Variants in CCDC88A observed in about 807,000 individuals in gnomAD.
CCDC88A encodes girdin.
Under a neutral mutation model 234.3 loss-of-function variants are expected in CCDC88A, and 54 were observed. The observed-to-expected ratio is 0.23, with a 90% confidence interval of 0.19 to 0.29. The LOEUF is 0.29. Ranked by LOEUF, CCDC88A falls within the 10% of genes least tolerant of loss-of-function variation. CCDC88A has a pLI of 1.00. For synonymous variants in CCDC88A, 753 were observed against 737.8 expected (o/e 1.02, Z -0.33); for missense variants, 1,832 against 2,123.4 (o/e 0.86, Z 2.70).
chr2:55,341,827 A>G lies in CCDC88A; in HGVS notation c.1333+1821T>C, dbSNP rs190757449. Among the ~76,000 whole-genome samples the G allele has an allele frequency of 5.5e-4, 84 of 152,314 alleles. 1 individual carries two copies. The highest frequency in any genetic ancestry group is 9.8e-4 in the Admixed American group (15 of 15,298). On this transcript the variant is annotated intron_variant, in intron 12 of 32. Transcript: ENST00000436346. ...TTTATCCATCATTTCATTGACAGAC[A>G]CAGGTTGATTCCATATCTTGACATT...
chr2:55,363,313 A>G (rs1352544187), intron 6 of CCDC88A, among the ~76,000 whole-genome samples: 1 of 151,972 alleles, frequency 6.6e-6, no homozygotes, highest in African/African-American at 2.4e-5. Context: ...TCACTATAAA[A>G]AATTTTCTTT....
intron 8 of CCDC88A, among the ~76,000 whole-genome samples, chr2:55,351,994 A>C (rs1669949311): frequency 6.6e-6 from 1 of 152,254 alleles, no homozygotes; most frequent in Admixed American, 6.5e-5. Flanking sequence ...GTATGATTCC[A>C]TTTATACAAT....
At chr2:55,414,131 T>C (rs1288417541) in intron 2 of CCDC88A, among the ~76,000 whole-genome samples, 1 of 152,176 alleles carries the variant, frequency 6.6e-6, no homozygotes, top group Non-Finnish European at 1.5e-5. Flanking sequence ...GAATCATAAA[T>C]AATAATTCCA....
chr2:55,360,053 T>C (rs1360416906), intron 7 of CCDC88A, among the ~76,000 whole-genome samples: 1 of 152,088 alleles, frequency 6.6e-6, no homozygotes, highest in Admixed American at 6.6e-5. Context: ...AAAATGGGGT[T>C]TTCATGCAGA....
chr2:55,346,133 A>T, intron 10 of CCDC88A, 42 bp downstream of exon 10: 2 of 1,454,542 alleles, frequency 1.4e-6, no homozygotes, highest in South Asian at 1.4e-5. Context: ...TAAAATTCTA[A>T]CACAGAAAAA....
At chr2:55,292,054 A>G (rs1679500461) in intron 31 of CCDC88A, 1 of 261,340 alleles carries the variant, frequency 3.8e-6, no homozygotes, top group Admixed American at 5.3e-5. Flanking sequence ...TTTATTTACT[A>G]AATGGTCACC....
intron 8 of CCDC88A, among the ~76,000 whole-genome samples, chr2:55,353,815 T>C (rs1670204121): frequency 6.6e-6 from 1 of 152,176 alleles, no homozygotes; most frequent in Non-Finnish European, 1.5e-5. Flanking sequence ...GTCTTAAAAT[T>C]AAGAAAATAC....
chr2:55,291,626 G>A (rs1489306052), intron 32 of CCDC88A, 50 bp downstream of exon 32: 1 of 787,014 alleles, frequency 1.3e-6, no homozygotes, highest in South Asian at 1.8e-5. Flanking sequence ...AATTTGGTTA[G>A]TTTGTATAAA....
chr2:55,407,441 C>T (rs1470974788), intron 2 of CCDC88A, among the ~76,000 whole-genome samples: 2 of 149,932 alleles, frequency 1.3e-5, no homozygotes, highest in African/African-American at 2.5e-5. Flanking sequence ...CCCGTCTCTA[C>T]TAAAAATACA....
At chr2:55,326,434 TCA>T (rs1558672127) in intron 17 of CCDC88A, among the ~76,000 whole-genome samples, 1 of 152,230 alleles carries the variant, frequency 6.6e-6, no homozygotes, top group East Asian at 1.9e-4. Context: ...TATTTAACTT[TCA>T]CAGTCTACCT....
At chr2:55,373,177 C>T (rs138861938) in intron 4 of CCDC88A, among the ~76,000 whole-genome samples, 15 of 152,176 alleles carry the variant, frequency 9.9e-5, no homozygotes. Context: ...ATTTTCACCA[C>T]TGGGCCAATC....
At chr2:55,392,033 T>C (rs1302018533) in intron 2 of CCDC88A, among the ~76,000 whole-genome samples, 1 of 152,230 alleles carries the variant, frequency 6.6e-6, no homozygotes, top group Non-Finnish European at 1.5e-5. Context: ...TGATTTTCAG[T>C]TGGGTTTGTC....
chr2:55,351,197 A>G (rs1022733867), intron 8 of CCDC88A, among the ~76,000 whole-genome samples: 1 of 152,148 alleles, frequency 6.6e-6, no homozygotes, highest in Non-Finnish European at 1.5e-5. Context: ...CAGCCTCTTA[A>G]GTAACTGGGA....
At chr2:55,339,353 A>G in intron 13 of CCDC88A, 111 bp downstream of exon 13, 9 of 905,152 alleles carry the variant, frequency 9.9e-6, no homozygotes, top group Middle Eastern at 3.4e-4. Context: ...TTTTCATAAC[A>G]AGTTAAAATA....
intron 29 of CCDC88A, among the ~76,000 whole-genome samples, chr2:55,299,329 GA>G (rs1259896837): frequency 6.6e-6 from 1 of 150,610 alleles, no homozygotes; most frequent in African/African-American, 2.4e-5. Context: ...TAAAAATTAA[GA>G]AAAAAAATCT....
chr2:55,319,769 T>C (rs912229887), intron 18 of CCDC88A, among the ~76,000 whole-genome samples: 2 of 152,138 alleles, frequency 1.3e-5, no homozygotes, highest in Admixed American at 1.3e-4. Flanking sequence ...GTCATTAATA[T>C]TTTCAGGATT....
chr2:55,410,798 T>G (rs2104983634), intron 2 of CCDC88A, among the ~76,000 whole-genome samples: 1 of 151,674 alleles, frequency 6.6e-6, no homozygotes. Flanking sequence ...GAGGCTGAGG[T>G]GAGAGGATCG....
At chr2:55,305,552 ATTT>A (rs1681448802) in intron 25 of CCDC88A, among the ~76,000 whole-genome samples, 1 of 150,630 alleles carries the variant, frequency 6.6e-6, no homozygotes, top group African/African-American at 2.5e-5. Context: ...CTGAATTGAC[ATTT>A]TTTTCCTTTA....
At chr2:55,396,640 G>A (rs1385591807) in intron 2 of CCDC88A, among the ~76,000 whole-genome samples, 1 of 152,108 alleles carries the variant, frequency 6.6e-6, no homozygotes, top group Non-Finnish European at 1.5e-5. Flanking sequence ...GGAGGCTGAG[G>A]CGGGCAGATC....
Sources: gnomAD v4.1 joint callset for allele counts (sites outside exome capture counted in the v4.1 genomes callset) on GRCh38, gnomAD v4.1.1 for gene constraint, MANE v1.5 for transcripts, NCBI Gene and HGNC (gene_info 2026-07-23, HGNC 2026-07-21) for gene names.